LRRC4C: variants seen among roughly 807,000 people sequenced by gnomAD.
LRRC4C encodes leucine rich repeat containing 4C, also known as leucine-rich repeat-containing protein 4C.
LRRC4C carries 5 observed loss-of-function variants against 33.6 expected under a neutral mutation model. That is an observed-to-expected ratio of 0.15 (90% CI 0.08 to 0.31). LRRC4C has a LOEUF of 0.31. Among genes scored for constraint, LRRC4C ranks in the 10% least tolerant of loss-of-function variants. The pLI, the probability that LRRC4C is intolerant of heterozygous loss-of-function variation, is 1.00. For synonymous variants in LRRC4C, 329 were observed against 302.0 expected (o/e 1.09, Z -0.93); for missense variants, 560 against 796.7 (o/e 0.70, Z 3.58).
At chr11:40,909,267 G>T (rs1219743403) in intron 2 of LRRC4C, among the ~76,000 whole-genome samples, 1 of 151,894 alleles carries the variant, frequency 6.6e-6, no homozygotes, top group African/African-American at 2.4e-5. Context: ...ACTTTCCATT[G>T]TGATTTTAAC....
intron 2 of LRRC4C, among the ~76,000 whole-genome samples, chr11:40,758,749 G>A (rs1322708732): frequency 6.6e-6 from 1 of 151,866 alleles, no homozygotes; most frequent in Non-Finnish European, 1.5e-5. Flanking sequence ...CATCAAACTG[G>A]TTCTTCCATA....
intron 4 of LRRC4C, among the ~76,000 whole-genome samples, chr11:40,312,973 CCA>C (rs1394123588): frequency 1.3e-5 from 2 of 152,092 alleles, no homozygotes; most frequent in African/African-American, 2.4e-5. Flanking sequence ...AACATTTTTG[CCA>C]CTCATCCACT....
intron 6 of LRRC4C, among the ~76,000 whole-genome samples, chr11:40,118,406 C>A (rs537584075): frequency 1.1e-4 from 17 of 152,022 alleles, no homozygotes; most frequent in Admixed American, 7.2e-4. Flanking sequence ...AGAATCCTTA[C>A]CTCGTGGGAA....
chr11:41,371,160 CCT>C (rs1952732630), intron 1 of LRRC4C, among the ~76,000 whole-genome samples: 1 of 122,718 alleles, frequency 8.1e-6, no homozygotes, highest in Non-Finnish European at 1.9e-5. Context: ...TATTTCAAGC[CCT>C]GAAATTGGGG....
At chr11:40,895,712 C>T (rs1182769800) in intron 2 of LRRC4C, among the ~76,000 whole-genome samples, 1 of 151,938 alleles carries the variant, frequency 6.6e-6, no homozygotes, top group East Asian at 1.9e-4. Context: ...TTCATTTGGC[C>T]ACTGGATACT....
chr11:40,803,817 G>T (rs961726042), intron 2 of LRRC4C, among the ~76,000 whole-genome samples: 1 of 151,908 alleles, frequency 6.6e-6, no homozygotes, highest in Non-Finnish European at 1.5e-5. Flanking sequence ...ATATTTATGG[G>T]GTACATGAGA....
At chr11:41,254,041 A>T (rs181623366) in intron 1 of LRRC4C, among the ~76,000 whole-genome samples, 106 of 152,194 alleles carry the variant, frequency 7.0e-4, no homozygotes, top group African/African-American at 2.5e-3. Flanking sequence ...CCATCATATT[A>T]CAAAATATAT....
chr11:41,390,054 A>G (rs1953528470), intron 1 of LRRC4C, among the ~76,000 whole-genome samples: 1 of 151,952 alleles, frequency 6.6e-6, no homozygotes, highest in South Asian at 2.1e-4. Context: ...GAGTATGTCT[A>G]TCCAGAACTT....
At chr11:40,299,256 A>C (rs1459328853) in intron 4 of LRRC4C, among the ~76,000 whole-genome samples, 2 of 152,136 alleles carry the variant, frequency 1.3e-5, no homozygotes, top group African/African-American at 4.8e-5. Flanking sequence ...CTCCTCTGTC[A>C]CCTTTACTTT....
At chr11:41,420,620 G>T (rs1005651034) in intron 1 of LRRC4C, among the ~76,000 whole-genome samples, 3 of 151,916 alleles carry the variant, frequency 2.0e-5, no homozygotes, top group Non-Finnish European at 2.9e-5. Flanking sequence ...AATATATTTT[G>T]CTATTCTTAC....
chr11:41,137,703 A>C (rs2135884984), intron 1 of LRRC4C, among the ~76,000 whole-genome samples: 1 of 152,362 alleles, frequency 6.6e-6, no homozygotes, highest in Non-Finnish European at 1.5e-5. Flanking sequence ...AAAAAAATAT[A>C]AATAAAACAA....
intron 3 of LRRC4C, among the ~76,000 whole-genome samples, chr11:40,341,570 G>A (rs1946868174): frequency 6.6e-6 from 1 of 152,188 alleles, no homozygotes; most frequent in South Asian, 2.1e-4. Flanking sequence ...ATAGCATTAG[G>A]AGATATACCT....
At chr11:40,422,024 C>T (rs954960812) in intron 3 of LRRC4C, among the ~76,000 whole-genome samples, 1 of 152,220 alleles carries the variant, frequency 6.6e-6, no homozygotes, top group Non-Finnish European at 1.5e-5. Context: ...GAAATACGCT[C>T]CTTAGTCTCT....
intron 1 of LRRC4C, among the ~76,000 whole-genome samples, chr11:41,191,137 C>G (rs974414147): frequency 6.6e-6 from 1 of 152,082 alleles, no homozygotes; most frequent in African/African-American, 2.4e-5. Context: ...TTATTCTGTT[C>G]AAGAATATTG....
intron 2 of LRRC4C, among the ~76,000 whole-genome samples, chr11:40,652,889 G>C (rs1453023639): frequency 2.0e-5 from 3 of 152,156 alleles, no homozygotes; most frequent in Non-Finnish European, 4.4e-5. Context: ...TGTCAAGAGT[G>C]GGACCAGGTG....
At chr11:40,613,684 C>G (rs536330247) in intron 3 of LRRC4C, among the ~76,000 whole-genome samples, 101 of 151,890 alleles carry the variant, frequency 6.6e-4, no homozygotes, top group Non-Finnish European at 1.2e-3. Context: ...TTCCAATTTA[C>G]TTTGCCAAGA....
intron 1 of LRRC4C, among the ~76,000 whole-genome samples, chr11:41,224,130 G>C (rs752367422): frequency 3.9e-5 from 6 of 152,114 alleles, no homozygotes; most frequent in Non-Finnish European, 8.8e-5. Flanking sequence ...TAATGTAAAA[G>C]AGAAGATAAA....
At chr11:41,235,809 AGG>A (rs1947997122) in intron 1 of LRRC4C, among the ~76,000 whole-genome samples, 1 of 152,096 alleles carries the variant, frequency 6.6e-6, no homozygotes, top group Non-Finnish European at 1.5e-5. Context: ...TCTGCCTCCC[AGG>A]GGAGTTCTTA....
At chr11:40,956,811 C>A (rs1183009516) in intron 1 of LRRC4C, among the ~76,000 whole-genome samples, 6 of 151,582 alleles carry the variant, frequency 4.0e-5, no homozygotes, top group Non-Finnish European at 8.9e-5. Context: ...ACCTTCACTT[C>A]AAAGACATAT....
Sources: gnomAD v4.1 joint callset for allele counts (sites outside exome capture counted in the v4.1 genomes callset) on GRCh38, gnomAD v4.1.1 for gene constraint, MANE v1.5 for transcripts, NCBI Gene and HGNC (gene_info 2026-07-23, HGNC 2026-07-21) for gene names.